PPM1B: variants seen among roughly 807,000 people sequenced by gnomAD.
PPM1B encodes protein phosphatase 1B.
PPM1B carries 22 observed loss-of-function variants against 43.0 expected under a neutral mutation model. The ratio of observed to expected loss-of-function variants is 0.51; its 90% CI spans 0.37 to 0.73. The LOEUF (loss-of-function observed/expected upper bound fraction) is 0.73, where lower values mean the gene tolerates loss of function less well. Ranked by LOEUF, PPM1B falls within the 30% of genes least tolerant of loss-of-function variation. The probability of loss-of-function intolerance (pLI) is 0.00; values close to 1 mark genes in which losing one functional copy is unlikely to be tolerated. For synonymous variants in PPM1B, 217 were observed against 197.9 expected (o/e 1.10, Z -0.81); for missense variants, 632 against 584.2 (o/e 1.08, Z -0.84).
chr2:44,232,980 A>C, downstream of PPM1B: 1 of 980,868 alleles, frequency 1.0e-6, no homozygotes, highest in Non-Finnish European at 1.2e-6. Flanking sequence ...AAACCCTTAC[A>C]AATTTTATGC....
chr2:44,217,994 G>A lies in PPM1B; in HGVS notation c.992G>A (p.Gly331Glu). The change falls in exon 4 of 6, where the codon GGA becomes GAA. Residue 331 changes from glycine (G) to glutamate (E), a missense_variant. Physicochemically the swap from Gly to Glu is moderately conservative, Grantham distance 98 (BLOSUM62 -2). Coordinates refer to ENST00000282412, the MANE Select transcript of PPM1B (RefSeq NM_002706.6). The stretch of plus-strand genomic sequence containing the variant: ...ATTATGGAGAAGTCTGGCGAGGAAG[G>A]AATGCCTGATCTTGCCCATGTCATG... ...EEIMEKSGEE[G>E]MPDLAHVMRI... is the part of the protein sequence containing the mutation. The A allele has an allele frequency of 1.9e-6, 3 of 1,605,994 alleles. No individual in the cohort carries two copies. The highest frequency in any genetic ancestry group is 1.1e-5 in the South Asian group (1 of 89,232).
chr2:44,192,629 G>A (rs1668461357), intron 1 of PPM1B, among the ~76,000 whole-genome samples: 1 of 152,140 alleles, frequency 6.6e-6, no homozygotes, highest in Non-Finnish European at 1.5e-5. Context: ...ATTGAATCAA[G>A]CTAATGAACA....
At chr2:44,194,582 G>C (rs1412622558) in intron 1 of PPM1B, among the ~76,000 whole-genome samples, 3 of 152,056 alleles carry the variant, frequency 2.0e-5, no homozygotes, top group African/African-American at 7.2e-5. Flanking sequence ...AATTAGCCAG[G>C]CGTGGTGGCG....
At chr2:44,197,998 C>T (rs1359323622) in intron 1 of PPM1B, among the ~76,000 whole-genome samples, 1 of 152,136 alleles carries the variant, frequency 6.6e-6, no homozygotes, top group Non-Finnish European at 1.5e-5. Flanking sequence ...ATCCCTAACA[C>T]CACCGCATTT....
chr2:44,180,175 A>T (rs1031506041), intron 1 of PPM1B, among the ~76,000 whole-genome samples: 1 of 152,170 alleles, frequency 6.6e-6, no homozygotes, highest in Non-Finnish European at 1.5e-5. Flanking sequence ...AATCCTTTGT[A>T]TGTATTTCTT....
intron 2 of PPM1B, among the ~76,000 whole-genome samples, chr2:44,206,011 G>A (rs534008118): frequency 5.3e-5 from 8 of 152,122 alleles, no homozygotes; most frequent in Non-Finnish European, 1.0e-4. Context: ...GTGAGACTCC[G>A]TGTCAAAAAA....
At chr2:44,233,591 A>C, downstream of PPM1B, 6 of 985,826 alleles carry the variant, frequency 6.1e-6, no homozygotes, top group Non-Finnish European at 7.2e-6. Flanking sequence ...CTGTATGTTT[A>C]AATTGTGTTT....
At chr2:44,225,653 A>AT (rs1207840425) in intron 5 of PPM1B, among the ~76,000 whole-genome samples, 1 of 151,734 alleles carries the variant, frequency 6.6e-6, no homozygotes, top group East Asian at 1.9e-4. Flanking sequence ...TTTGCTTTTT[A>AT]TTTTTTTATT....
rs763518489 is a variant in PPM1B at position 44,188,916 on chromosome 2, TTTG to T, written c.-14-12258_-14-12256del. Among the ~76,000 whole-genome samples the T allele has an allele frequency of 2.0e-3, 299 of 151,962 alleles. 2 individuals carry two copies. Among genetic ancestry groups the T allele is most frequent in the Middle Eastern group, 0.014 (4 of 294 alleles). On this transcript the variant is annotated intron_variant, in intron 1 of 5. Coordinates refer to ENST00000282412, the MANE Select transcript of PPM1B (RefSeq NM_002706.6). ...AGAGGGGAGGTGCCAATTTGGGTTT[TTTG>T]TTGTTGTTGTTTTTCCCCCAAGCAC...
At chr2:44,197,651 A>G (rs1351018169) in intron 1 of PPM1B, among the ~76,000 whole-genome samples, 2 of 152,188 alleles carry the variant, frequency 1.3e-5, no homozygotes, top group South Asian at 2.1e-4. Flanking sequence ...AGCTTGCGAT[A>G]CATTAGCCAC....
chr2:44,188,954 G>T (rs1668272196), intron 1 of PPM1B, among the ~76,000 whole-genome samples: 1 of 152,006 alleles, frequency 6.6e-6, no homozygotes, highest in South Asian at 2.1e-4. Context: ...CTTCAGCCTT[G>T]ATCTTCTGGG....
intron 1 of PPM1B, among the ~76,000 whole-genome samples, chr2:44,200,442 T>G (rs1668880657): frequency 6.6e-6 from 1 of 152,190 alleles, no homozygotes; most frequent in Non-Finnish European, 1.5e-5. Context: ...TTTAAGTCTT[T>G]GTCAGTCAAC....
intron 2 of PPM1B, 51 bp from the exon 3 acceptor site, chr2:44,209,155 ATAAT>A: frequency 7.1e-7 from 1 of 1,410,610 alleles, no homozygotes; most frequent in Non-Finnish European, 9.6e-7. Flanking sequence ...TTTGAAGTAA[ATAAT>A]AGTTGATTGT....
intron 1 of PPM1B, among the ~76,000 whole-genome samples, chr2:44,184,558 C>A (rs1479428955): frequency 6.6e-6 from 1 of 152,038 alleles, no homozygotes; most frequent in Non-Finnish European, 1.5e-5. Context: ...CATTCTTGAT[C>A]CCACTCCTGA....
chr2:44,204,096 A>G (rs760273833), intron 2 of PPM1B, among the ~76,000 whole-genome samples: 52 of 152,238 alleles, frequency 3.4e-4, no homozygotes, highest in Non-Finnish European at 6.6e-4. Context: ...GCTGACCATC[A>G]TAGTTCCTTC....
At chr2:44,227,185 G>A (rs1670257796) in intron 5 of PPM1B, among the ~76,000 whole-genome samples, 1 of 151,706 alleles carries the variant, frequency 6.6e-6, no homozygotes, top group African/African-American at 2.4e-5. Context: ...GTGTTGCTCA[G>A]GCTGGTCTCA....
At chr2:44,196,823 T>C (rs1469908257) in intron 1 of PPM1B, among the ~76,000 whole-genome samples, 4 of 152,208 alleles carry the variant, frequency 2.6e-5, no homozygotes, top group Admixed American at 2.6e-4. Flanking sequence ...TTATAACATC[T>C]CAGAAATAGA....
At chr2:44,208,996 A>G (rs1669323536) in intron 2 of PPM1B, among the ~76,000 whole-genome samples, 1 of 152,224 alleles carries the variant, frequency 6.6e-6, no homozygotes. Context: ...GTTCACCAGA[A>G]TTAAAAATAC....
chr2:44,185,864 G>T (rs1401352012), intron 1 of PPM1B, among the ~76,000 whole-genome samples: 1 of 152,154 alleles, frequency 6.6e-6, no homozygotes, highest in East Asian at 1.9e-4. Context: ...TTGAATGTCA[G>T]TTATGATTTT....
Sources: allele counts gnomAD v4.1 joint callset (sites outside exome capture counted in the v4.1 genomes callset), GRCh38; gene constraint gnomAD v4.1.1; transcripts MANE v1.5; gene names NCBI Gene and HGNC (gene_info 2026-07-23, HGNC 2026-07-21).